UBA6: variants seen among roughly 807,000 people sequenced by gnomAD.
UBA6 encodes ubiquitin-like modifier-activating enzyme 6.
UBA6 carries 87 observed loss-of-function variants against 148.3 expected under a neutral mutation model. The ratio of observed to expected loss-of-function variants is 0.59; its 90% CI spans 0.49 to 0.70. The LOEUF (loss-of-function observed/expected upper bound fraction) is 0.70. Ranked by LOEUF, UBA6 falls within the 30% of genes least tolerant of loss-of-function variation. The pLI, the probability that UBA6 is intolerant of heterozygous loss-of-function variation, is 0.00. For synonymous variants in UBA6, 376 were observed against 401.0 expected, an observed-to-expected ratio of 0.94 and a Z score of 0.75; for missense variants, 1,186 against 1,241.2, an observed-to-expected ratio of 0.96 and a Z score of 0.67.
intron 15 of UBA6, among the ~76,000 whole-genome samples, 190 bp downstream of exon 15, chr4:67,646,534 T>C (rs17633426): frequency 0.12 from 18,539 of 152,218 alleles, 1,290 homozygotes; most frequent in South Asian, 0.21. Context: ...ATTTAAAACT[T>C]TGCATTCACT....
chr4:67,637,863 T>C (rs1369849257), intron 19 of UBA6, among the ~76,000 whole-genome samples: 1 of 151,952 alleles, frequency 6.6e-6, no homozygotes, highest in South Asian at 2.1e-4. Flanking sequence ...GTTTATCTGC[T>C]GACCTTCCCT....
At position 67,642,793 on chromosome 4, in the gene UBA6, G is replaced by A. The variant is rs142963122; in HGVS notation, c.1477-1565C>T. On this transcript the variant is annotated intron_variant, in intron 17 of 32. Coordinates refer to ENST00000322244, the MANE Select transcript of UBA6 (RefSeq NM_018227.6). The stretch of plus-strand genomic sequence containing the variant: ...AACACTTGTCTTTCTTTAACTCTGG[G>A]AACTTTTGTCATTATCTTTGGAATA... 1.5e-3 allele frequency among the ~76,000 whole-genome samples: 235 copies of A among 151,776 alleles called. 4 individuals carry two copies. The East Asian group carries it at 0.042, about 27-fold the overall frequency.
At position 67,673,717 on chromosome 4, in the gene UBA6, A is replaced by C. The variant is rs1206903730; in HGVS notation, c.526T>G (p.Ser176Ala). The C allele has an allele frequency of 6.2e-7, 1 of 1,611,400 alleles. No homozygotes were observed. The highest frequency in any genetic ancestry group is 1.1e-5 in the South Asian group (1 of 90,864). ...ATTACCTTAATTGGAGGGCACTGAG[A>C]ACGGCAAAAGTCATTGATCTTCTTC... ...LQKKINDFCRSQCPPIKFISA... is the reference protein window; with the variant it reads ...LQKKINDFCRAQCPPIKFISA... Residue 176 changes from serine (S) to alanine (A), a missense_variant, in exon 7 of 33, where the codon TCT (serine) becomes GCT (alanine). Coordinates refer to ENST00000322244, the MANE Select transcript of UBA6 (RefSeq NM_018227.6).
At chr4:67,662,925 G>T in intron 12 of UBA6, 2 of 382,006 alleles carry the variant, frequency 5.2e-6, no homozygotes, top group Non-Finnish European at 9.4e-6. Flanking sequence ...CTTCAAAGTG[G>T]AAAAATTCAC....
rs113650820 is a variant in UBA6, at chr4:67,663,796, A to G, written c.960+89T>C. 4 of 1,121,946 alleles carry G rather than the reference A, an allele frequency of 3.6e-6. No homozygotes were observed. In the African/African-American group the frequency reaches 4.6e-5, roughly 13 times the overall value. The allele number at this position is 1,121,946 out of a possible 1,614,324, so 69.5% of individuals were successfully genotyped here. A position where few individuals can be genotyped will look rare whatever the true frequency, so the allele number is the denominator to read the frequency against. ...TAAGGCCCGACAGCCAGATACCTAC[A>G]TGGTTATTCCATTTTAACTTCATAA... On this transcript the variant is annotated intron_variant, in intron 11 of 32. Coordinates refer to ENST00000322244, the MANE Select transcript of UBA6 (RefSeq NM_018227.6).
chr4:67,669,114 G>C (rs1273350486), intron 8 of UBA6, among the ~76,000 whole-genome samples: 1 of 152,162 alleles, frequency 6.6e-6, no homozygotes, highest in Non-Finnish European at 1.5e-5. Flanking sequence ...CTTACAGCTT[G>C]CTCAACACTT....
chr4:67,632,481 T>C (rs1338123652), intron 23 of UBA6, among the ~76,000 whole-genome samples: 1 of 152,130 alleles, frequency 6.6e-6, no homozygotes, highest in African/African-American at 2.4e-5. Flanking sequence ...TGAATATTTT[T>C]CATTATAAAA....
Position 67,665,235 on chromosome 4 carries a change from T to C in UBA6, c.851A>G (p.His284Arg), listed in dbSNP as rs544329398. 7 of 1,607,732 alleles carry C rather than the reference T, an allele frequency of 4.4e-6. No homozygotes were observed. The African/African-American group carries it at 9.4e-5, about 22-fold the overall frequency. The change falls in exon 10 of 33, where the codon CAT (histidine) becomes CGT (arginine). Residue 284 changes from histidine (H) to arginine (R), a missense_variant. Coordinates refer to ENST00000322244, the MANE Select transcript of UBA6 (RefSeq NM_018227.6). ...CTTAACTTGGACAGCTATGCCTCCA[T>C]GTAAATATGGTTCCAGTTCTGTGGT... ...GDTTELEPYL[H>R]GGIAVQVKTP...
chr4:67,678,544 G>T lies in UBA6; in HGVS notation c.259-11C>A. The T allele has an allele frequency of 6.4e-7, 1 of 1,553,270 alleles. No individual in the cohort carries two copies. Among genetic ancestry groups the T allele is most frequent in the Non-Finnish European group, 8.8e-7 (1 of 1,136,738 alleles). On this transcript the variant is annotated splice_polypyrimidine_tract_variant and intron_variant, in intron 4 of 32. Coordinates refer to ENST00000322244, the MANE Select transcript of UBA6 (RefSeq NM_018227.6). ...ATGAATTGTAACTGCCTTCAAAAAAGAAAAAAGTATTGGTTGAAGTCAGGA... is the reference window on the plus strand; with the variant it reads ...ATGAATTGTAACTGCCTTCAAAAAATAAAAAAGTATTGGTTGAAGTCAGGA...
chr4:67,627,059 A>G (rs977131590), intron 27 of UBA6, among the ~76,000 whole-genome samples: 3 of 151,948 alleles, frequency 2.0e-5, no homozygotes, highest in East Asian at 1.9e-4. Flanking sequence ...TTTCATATAG[A>G]AAGTTTGGTA....
intron 16 of UBA6, 134 bp downstream of exon 16, chr4:67,645,803 TA>T (rs2109916651): frequency 2.4e-6 from 1 of 423,910 alleles, no homozygotes; most frequent in East Asian, 3.5e-5. Context: ...ATTTCAGCTT[TA>T]TAGGCTGCAA....
At chr4:67,681,293 A>G (rs1162865631) in intron 4 of UBA6, among the ~76,000 whole-genome samples, 3 of 152,204 alleles carry the variant, frequency 2.0e-5, no homozygotes, top group African/African-American at 4.8e-5. Context: ...ATTTACATCA[A>G]AATAATTTGG....
chr4:67,682,105 T>C lies in UBA6; in HGVS notation c.229+14A>G, dbSNP rs1730456350. 3 of 1,598,450 alleles carry C rather than the reference T, an allele frequency of 1.9e-6. No individual in the cohort carries two copies. The highest frequency in any genetic ancestry group is 2.6e-6 in the Non-Finnish European group (3 of 1,166,154). The stretch of plus-strand genomic sequence containing the variant: ...TCAAAAGTGTCAAAAATTAGGAATA[T>C]AAATATTGCTTACCAATTTCCAAAC... On this transcript the variant is annotated intron_variant, in intron 3 of 32. Transcript: ENST00000322244.
intron 29 of UBA6, 73 bp downstream of exon 29, chr4:67,624,921 G>T: frequency 1.6e-6 from 2 of 1,246,590 alleles, no homozygotes; most frequent in Non-Finnish European, 2.3e-6. Context: ...GAGTGACTGG[G>T]TTGGTATGAC....
In UBA6 at chr4:67,615,878, T is replaced by C. The variant is rs1014481984; in HGVS notation, c.*3119A>G. The C allele has an allele frequency of 1.3e-5, 4 of 303,990 alleles. No homozygotes were observed. The highest frequency in any genetic ancestry group is 6.4e-5 in the African/African-American group (3 of 47,100). The allele number at this position is 303,990 out of a possible 1,614,324, so 18.8% of individuals were successfully genotyped here. A position where few individuals can be genotyped will look rare whatever the true frequency, so the allele number is the denominator to read the frequency against. On this transcript the variant is annotated 3_prime_UTR_variant, in exon 33 of 33. Coordinates refer to ENST00000322244, the MANE Select transcript of UBA6 (RefSeq NM_018227.6). ...TCATACAAGGTAGGATAGTGGTAAT[T>C]ACCAAAGGGTACGTGGCAGGGAGCT...
rs528710885 is a variant in UBA6 at position 67,616,980 on chromosome 4, C to T, written c.*2017G>A. ...ACCCTGGCTTTCTAGCTTAGTAGAA[C>T]CAAACAGAAGAAATCATGGCAATAA... On this transcript the variant is annotated 3_prime_UTR_variant, in exon 33 of 33. Transcript: ENST00000322244. 7.9e-5 allele frequency: 12 copies of T among 151,918 alleles called. No individual in the cohort carries two copies. The South Asian group carries it at 1.7e-3, about 21-fold the overall frequency. The allele number at this position is 151,918 out of a possible 1,614,324, so 9.4% of individuals were successfully genotyped here. A position where few individuals can be genotyped will look rare whatever the true frequency, so the allele number is the denominator to read the frequency against.
At chr4:67,644,540 T>G (rs1577804395) in intron 17 of UBA6, among the ~76,000 whole-genome samples, 158 bp downstream of exon 17, 2 of 152,140 alleles carry the variant, frequency 1.3e-5, no homozygotes, top group African/African-American at 4.8e-5. Context: ...GTAACATAAG[T>G]TTTGAAAAGT....
At chr4:67,675,348 T>C (rs138140716) in intron 6 of UBA6, among the ~76,000 whole-genome samples, 149 of 152,322 alleles carry the variant, frequency 9.8e-4, no homozygotes, top group African/African-American at 3.4e-3. Context: ...TATTTGTATA[T>C]TATATATTTA....
chr4:67,676,116 C>T lies in UBA6; in HGVS notation c.465+1495G>A, dbSNP rs192686603. On this transcript the variant is annotated intron_variant, in intron 6 of 32. Transcript: ENST00000322244. Reference sequence around the variant, plus strand: ...TTGGCTCACTGCAACTTCCGCCTCCCGGGTTCAAGCGATTCTCCTGCCTCA... The same window carrying T: ...TTGGCTCACTGCAACTTCCGCCTCCTGGGTTCAAGCGATTCTCCTGCCTCA... Among the ~76,000 whole-genome samples, 393 of 151,048 alleles carry T rather than the reference C, an allele frequency of 2.6e-3. 2 individuals are homozygous for T. The highest frequency in any genetic ancestry group is 8.6e-3 in the African/African-American group (354 of 41,074).
Sources: allele counts gnomAD v4.1 joint callset (sites outside exome capture counted in the v4.1 genomes callset), GRCh38; gene constraint gnomAD v4.1.1; transcripts MANE v1.5; gene names NCBI Gene and HGNC (gene_info 2026-07-23, HGNC 2026-07-21).